The following MAGI1 variants were observed in gnomAD, a reference collection of about 807,000 sequenced individuals.
The protein encoded by MAGI1 is membrane associated guanylate kinase, WW and PDZ domain containing 1, also known as membrane-associated guanylate kinase, WW and PDZ domain-containing protein 1.
MAGI1 carries 58 observed loss-of-function variants against 139.9 expected under a neutral mutation model. That is an observed-to-expected ratio of 0.41 (90% confidence interval 0.34 to 0.52). The LOEUF (loss-of-function observed/expected upper bound fraction) is 0.52. Among genes scored for constraint, MAGI1 ranks in the 20% least tolerant of loss-of-function variants. The pLI is 0.12. For synonymous variants in MAGI1, 812 were observed against 737.9 expected (o/e 1.10, Z -1.63); for missense variants, 1,874 against 1,901.6 (o/e 0.99, Z 0.27).
At chr3:65,648,056 A>C in intron 1 of MAGI1, among the ~76,000 whole-genome samples, 1 of 152,246 alleles carries the variant, frequency 6.6e-6, no homozygotes, top group East Asian at 1.9e-4. Flanking sequence ...GAAAATCCCA[A>C]GGAATCTGTT....
intron 12 of MAGI1, among the ~76,000 whole-genome samples, chr3:65,428,929 A>G (rs1262571305): frequency 6.6e-6 from 1 of 152,100 alleles, no homozygotes; most frequent in Non-Finnish European, 1.5e-5. Context: ...CAGAACGGAC[A>G]GTAAATACAA....
chr3:65,493,715 T>C, intron 2 of MAGI1, 84 bp from the exon 3 acceptor site: 1 of 1,538,238 alleles, frequency 6.5e-7, no homozygotes, highest in Non-Finnish European at 8.9e-7. Context: ...TAAAATAACC[T>C]GTTCAGTAAG....
intron 12 of MAGI1, among the ~76,000 whole-genome samples, chr3:65,427,346 G>A (rs572856562): frequency 1.0e-3 from 158 of 152,120 alleles, no homozygotes; most frequent in African/African-American, 3.2e-3. Context: ...CAAGGAGTAC[G>A]TTTCTATAAT....
At chr3:65,689,636 C>T (rs925285912) in intron 1 of MAGI1, among the ~76,000 whole-genome samples, 1 of 152,192 alleles carries the variant, frequency 6.6e-6, no homozygotes, top group Non-Finnish European at 1.5e-5. Context: ...GTTACAGTTA[C>T]ATCGTCTGGA....
chr3:65,796,628 A>C (rs1336244163), intron 1 of MAGI1, among the ~76,000 whole-genome samples: 1 of 152,240 alleles, frequency 6.6e-6, no homozygotes, highest in South Asian at 2.1e-4. Context: ...AAAAGTATTT[A>C]TATTCATTTA....
chr3:65,371,617 T>A (rs2106809377), intron 18 of MAGI1, among the ~76,000 whole-genome samples: 1 of 152,334 alleles, frequency 6.6e-6, no homozygotes, highest in South Asian at 2.1e-4. Flanking sequence ...CTCTGCAGCA[T>A]GTTGCTGTTT....
chr3:65,952,764 A>C (rs2063928774), intron 1 of MAGI1, among the ~76,000 whole-genome samples: 1 of 152,226 alleles, frequency 6.6e-6, no homozygotes, highest in Non-Finnish European at 1.5e-5. Flanking sequence ...CAGTGAGCCA[A>C]GATCATGCCA....
chr3:65,529,736 T>C (rs540367861), intron 2 of MAGI1, among the ~76,000 whole-genome samples: 1 of 152,302 alleles, frequency 6.6e-6, no homozygotes, highest in African/African-American at 2.4e-5. Context: ...AGGAGTGAAA[T>C]AGATTTTACC....
At chr3:65,888,734 T>C (rs937567112) in intron 1 of MAGI1, among the ~76,000 whole-genome samples, 5 of 151,612 alleles carry the variant, frequency 3.3e-5, no homozygotes, top group African/African-American at 7.3e-5. Flanking sequence ...TTCTCCTTTC[T>C]AAAAAAAAGA....
chr3:65,466,328 G>C (rs1950171736), intron 5 of MAGI1, among the ~76,000 whole-genome samples: 1 of 152,014 alleles, frequency 6.6e-6, no homozygotes, highest in South Asian at 2.1e-4. Flanking sequence ...TGGATTTTTT[G>C]GTATTACATT....
intron 3 of MAGI1, among the ~76,000 whole-genome samples, chr3:65,486,909 G>T (rs1426946860): frequency 6.6e-6 from 1 of 152,130 alleles, no homozygotes; most frequent in East Asian, 1.9e-4. Flanking sequence ...TCCAGTAATA[G>T]AAGACAGAAA....
At chr3:66,035,885 T>C (rs1009163672) in intron 1 of MAGI1, among the ~76,000 whole-genome samples, 2 of 152,150 alleles carry the variant, frequency 1.3e-5, no homozygotes, top group African/African-American at 4.8e-5. Context: ...GAGAGAGCCC[T>C]GGGACATCGC....
chr3:65,742,718 A>G (rs1034320034), intron 1 of MAGI1, among the ~76,000 whole-genome samples: 1 of 152,228 alleles, frequency 6.6e-6, no homozygotes, highest in Non-Finnish European at 1.5e-5. Flanking sequence ...TTCCATTTCC[A>G]ATGAACTGTC....
chr3:65,466,739 C>T (rs1950198669), intron 5 of MAGI1, among the ~76,000 whole-genome samples: 1 of 152,164 alleles, frequency 6.6e-6, no homozygotes, highest in Non-Finnish European at 1.5e-5. Flanking sequence ...CAAGTGGTCT[C>T]CACTAAATCT....
intron 2 of MAGI1, among the ~76,000 whole-genome samples, chr3:65,558,045 G>T (rs1243494042): frequency 6.6e-6 from 1 of 152,122 alleles, no homozygotes; most frequent in East Asian, 1.9e-4. Context: ...GGTCTGTCCG[G>T]ACTGCAGTCT....
chr3:65,469,090 G>T (rs1950385922), intron 5 of MAGI1, among the ~76,000 whole-genome samples: 1 of 152,146 alleles, frequency 6.6e-6, no homozygotes, highest in Non-Finnish European at 1.5e-5. Context: ...AAACCCAACT[G>T]TTAATAGATA....
chr3:65,965,300 AC>A (rs1399753865), intron 1 of MAGI1, among the ~76,000 whole-genome samples: 1 of 152,204 alleles, frequency 6.6e-6, no homozygotes, highest in Admixed American at 6.5e-5. Flanking sequence ...TACCACTTCT[AC>A]TATTCCACGT....
At chr3:65,382,947 C>A (rs1434800907) in intron 15 of MAGI1, among the ~76,000 whole-genome samples, 1 of 152,136 alleles carries the variant, frequency 6.6e-6, no homozygotes, top group African/African-American at 2.4e-5. Context: ...ATTAACGATA[C>A]CTATTTCAGT....
intron 1 of MAGI1, among the ~76,000 whole-genome samples, chr3:65,937,995 A>G (rs1235133515): frequency 6.6e-6 from 1 of 152,186 alleles, no homozygotes; most frequent in Non-Finnish European, 1.5e-5. Context: ...ATACTCTATT[A>G]GGAAATAAAT....
Sources: allele counts gnomAD v4.1 joint callset (sites outside exome capture counted in the v4.1 genomes callset), GRCh38; gene constraint gnomAD v4.1.1; transcripts MANE v1.5; gene names NCBI Gene and HGNC (gene_info 2026-07-23, HGNC 2026-07-21).